Variants in TOPBP1 observed in about 807,000 individuals in gnomAD.
TOPBP1 encodes the protein DNA topoisomerase 2-binding protein 1.
TOPBP1 carries 28 observed loss-of-function variants against 167.7 expected under a neutral mutation model. The ratio of observed to expected loss-of-function variants is 0.17; its 90% CI spans 0.12 to 0.23. The LOEUF (loss-of-function observed/expected upper bound fraction) is 0.23. Among genes scored for constraint, TOPBP1 ranks in the 10% least tolerant of loss-of-function variants. TOPBP1 has a pLI of 1.00. For missense variants in TOPBP1, 1,554 were observed against 1,809.6 expected (o/e 0.86, Z 2.56); for synonymous variants, 598 against 611.4 (o/e 0.98, Z 0.32).
intron 16 of TOPBP1, among the ~76,000 whole-genome samples, chr3:133,626,798 G>A (rs948887281): frequency 6.6e-6 from 1 of 152,116 alleles, no homozygotes; most frequent in Admixed American, 6.6e-5. Context: ...GCATCACAGA[G>A]TGCTATACTG....
intron 20 of TOPBP1, 24 bp downstream of exon 20, chr3:133,620,131 C>G (rs775121708): frequency 6.3e-7 from 1 of 1,576,650 alleles, no homozygotes; most frequent in African/African-American, 1.4e-5. Context: ...TCTAGTCTTT[C>G]TGCCATCAGT....
In TOPBP1 at chr3:133,649,902, C is replaced by T. The variant is rs757793956; in HGVS notation, c.1131G>A (p.Leu377=). The T allele has an allele frequency of 6.2e-7, 1 of 1,607,886 alleles. No individual in the cohort carries two copies. The highest frequency in any genetic ancestry group is 8.5e-7 in the Non-Finnish European group (1 of 1,178,062). Reference sequence around the variant, plus strand: ...CACCTCCACTGTTAATAAGTCTTCTCAGTTTATCTAGCTTTCTGCCACTAA... The same window carrying T: ...CACCTCCACTGTTAATAAGTCTTCTTAGTTTATCTAGCTTTCTGCCACTAA... ...CGFSGRKLDK[L]RRLINSGGGV... is the part of the protein sequence containing the mutation. Residue 377 remains leucine (L), a synonymous_variant, in exon 9 of 28, where the codon CTG becomes CTA. Transcript: ENST00000260810.
Position 133,619,364 on chromosome 3 carries a change from T to C in TOPBP1, c.3371+791A>G, listed in dbSNP as rs79129569. On this transcript the variant is annotated intron_variant, in intron 20 of 27. Transcript: ENST00000260810. The stretch of plus-strand genomic sequence containing the variant: ...AATGAACTGCCTCATGTAATACAGT[T>C]AGCGTAAGATAAATGCTAGTTTATC... Among the ~76,000 whole-genome samples, 7 of 152,280 alleles carry C rather than the reference T, an allele frequency of 4.6e-5. No homozygotes were observed. In the East Asian group the frequency reaches 1.2e-3, roughly 25 times the overall value.
intron 19 of TOPBP1, among the ~76,000 whole-genome samples, chr3:133,621,701 C>T (rs1461308290): frequency 6.6e-6 from 1 of 152,054 alleles, no homozygotes; most frequent in African/African-American, 2.4e-5. Flanking sequence ...TTCTTTAAAG[C>T]CTAAACTCTG....
chr3:133,608,684 G>T lies in TOPBP1; in HGVS notation c.4276C>A (p.His1426Asn). ...QSGGAKVLPG[H>N]SVPLFKEATH... ...GCCTCTTTAAATAAAGGTACAGAAT[G>T]ACCAGGTAGCACCTAATGAAAAAAC... Residue 1426 changes from histidine (H) to asparagine (N), a missense_variant, in exon 27 of 28, where the codon CAT becomes AAT. His to Asn is a moderately conservative substitution (Grantham distance 68). This residue lies in a region of TOPBP1 where 351 missense variants were observed against 432.9 expected (regional missense o/e 0.81). Transcript: ENST00000260810. 1 of 1,613,180 alleles carries T rather than the reference G, an allele frequency of 6.2e-7. No homozygotes were observed. The highest frequency in any genetic ancestry group is 1.1e-5 in the South Asian group (1 of 90,984).
chr3:133,646,145 CA>C (rs762657845), intron 10 of TOPBP1, among the ~76,000 whole-genome samples: 1 of 133,552 alleles, frequency 7.5e-6, no homozygotes. Flanking sequence ...GACTGCATCT[CA>C]AAAAAAAAAC....
At chr3:133,639,714 A>C (rs1935826989) in intron 13 of TOPBP1, among the ~76,000 whole-genome samples, 3 of 152,218 alleles carry the variant, frequency 2.0e-5, no homozygotes, top group South Asian at 4.1e-4. Context: ...AACATGCAGA[A>C]GCCCAAAGAT....
Position 133,653,332 on chromosome 3 carries a change from C to A in TOPBP1, c.922+13G>T. ...GTCTTCAGAATAATTATTTTAATCT[C>A]AATGAGACTCACTATCAATTGTGTT... is the stretch of plus-strand genomic sequence containing the variant. On this transcript the variant is annotated intron_variant, in intron 7 of 27. Coordinates refer to ENST00000260810, the MANE Select transcript of TOPBP1 (RefSeq NM_007027.4). The A allele has an allele frequency of 1.3e-6, 2 of 1,568,754 alleles. No individual in the cohort carries two copies. Among genetic ancestry groups the A allele is most frequent in the Admixed American group, 2.0e-5 (1 of 51,022 alleles).
chr3:133,658,924 G>A, intron 3 of TOPBP1, 92 bp downstream of exon 3: 1 of 1,372,200 alleles, frequency 7.3e-7, no homozygotes, highest in Non-Finnish European at 9.7e-7. Context: ...AAGTTGCATA[G>A]TACTTTATAA....
chr3:133,655,324 A>G lies in TOPBP1; in HGVS notation c.708T>C (p.Asn236=), dbSNP rs1242965318. ...CTTGCACAATGAGGTGTGTACATTC[A>G]TTCATTTTCAATTGTCCCATGTATT... ...GGQYMGQLKM[N]ECTHLIVQEP... The change falls in exon 6 of 28, where the codon AAT becomes AAC. Residue 236 remains asparagine, a synonymous_variant. Transcript: ENST00000260810. 4 of 1,568,166 alleles carry G rather than the reference A, an allele frequency of 2.6e-6. No homozygotes were observed. In the Admixed American group the frequency reaches 7.4e-5, roughly 29 times the overall value.
chr3:133,612,404 A>G lies in TOPBP1; in HGVS notation c.4020T>C (p.Ala1340=), dbSNP rs747723716. The change falls in exon 24 of 28, where the codon GCT becomes GCC. Residue 1340 remains alanine, a synonymous_variant. Coordinates refer to ENST00000260810, the MANE Select transcript of TOPBP1 (RefSeq NM_007027.4). ...GAATACACACCTGCACGAAGTGTCC[A>G]GCAGTCCTGCAGGCTTCAAGGTAGG... ...HRSYLEACRT[A]GHFVQEEDYE... 25 of 1,613,784 alleles carry G rather than the reference A, an allele frequency of 1.5e-5. No individual in the cohort carries two copies. The South Asian group carries it at 2.7e-4, about 18-fold the overall frequency.
Position 133,602,586 on chromosome 3 carries a change from A to G in TOPBP1, c.4426-1193T>C, listed in dbSNP as rs1025930363. On this transcript the variant is annotated intron_variant, in intron 27 of 27. Transcript: ENST00000260810. ...ATTTGGGGCTATAAGATGTAGATGTAAAATATATGACAACTACTGCATAAA... is the reference window on the plus strand; with the variant it reads ...ATTTGGGGCTATAAGATGTAGATGTGAAATATATGACAACTACTGCATAAA... Among the ~76,000 whole-genome samples the G allele has an allele frequency of 2.6e-5, 4 of 152,346 alleles. No individual in the cohort carries two copies. The East Asian group carries it at 7.7e-4, about 29-fold the overall frequency.
intron 27 of TOPBP1, among the ~76,000 whole-genome samples, chr3:133,606,896 A>G (rs78515347): frequency 1.0e-3 from 158 of 152,128 alleles, no homozygotes; most frequent in African/African-American, 3.6e-3. Context: ...AGCTAAAACA[A>G]TAACTTTTTA....
In TOPBP1 at chr3:133,659,003, G is replaced by C; in HGVS notation, c.219+13C>G. On this transcript the variant is annotated intron_variant, in intron 3 of 27. Transcript: ENST00000260810. ...AATAGACTACCAAAGGTACACACTAGAAGTCAGCAAACCTTTTTGAGGTGA... is the reference window on the plus strand; with the variant it reads ...AATAGACTACCAAAGGTACACACTACAAGTCAGCAAACCTTTTTGAGGTGA... 2 of 1,590,054 alleles carry C rather than the reference G, an allele frequency of 1.3e-6. No homozygotes were observed. The highest frequency in any genetic ancestry group is 1.2e-5 in the South Asian group (1 of 85,748).
At position 133,600,601 on chromosome 3, in the gene TOPBP1, A is replaced by C. The variant is rs1308088454; in HGVS notation, c.*649T>G. On this transcript the variant is annotated 3_prime_UTR_variant, in exon 28 of 28. Transcript: ENST00000260810. ...TTGCTTCAACAGAAGAACAGATGCC[A>C]GGGTGCTCTTTTAAAAAATTTATCT... 6.5e-6 allele frequency: 1 copy of C among 152,682 alleles called. No homozygotes were observed. The highest frequency in any genetic ancestry group is 6.5e-5 in the Admixed American group (1 of 15,284). 9.5% of individuals were successfully genotyped at this position (152,682 alleles called of 1,614,324 possible).
chr3:133,634,104 A>C (rs192323439), intron 14 of TOPBP1, among the ~76,000 whole-genome samples: 5 of 152,352 alleles, frequency 3.3e-5, no homozygotes. Context: ...TCAGACCAAA[A>C]ATTTGAAAAG....
chr3:133,628,837 A>G (rs1349057641), intron 14 of TOPBP1, 104 bp from the exon 15 acceptor site: 1 of 1,154,508 alleles, frequency 8.7e-7, no homozygotes. Context: ...GAGAGGGGTA[A>G]AGAGAGAGAA....
At position 133,628,469 on chromosome 3, in the gene TOPBP1, T is replaced by C. The variant is rs1935344525; in HGVS notation, c.2697A>G (p.Glu899=). The C allele has an allele frequency of 1.2e-6, 2 of 1,609,890 alleles. No homozygotes were observed. The highest frequency in any genetic ancestry group is 2.2e-5 in the East Asian group (1 of 44,802). ...PQLKEAQSEK[E]EAPKPLHKVV... ...CTTTGTGAAGTGGCTTTGGGGCTTC[T>C]TCCTGTCCATGGAAAATAAAAGAAA... is the stretch of plus-strand genomic sequence containing the variant. Residue 899 remains glutamate, a splice_region_variant and synonymous_variant, in exon 16 of 28, where the codon GAA becomes GAG. Coordinates refer to ENST00000260810, the MANE Select transcript of TOPBP1 (RefSeq NM_007027.4).
At chr3:133,647,194 T>C (rs939358170) in intron 10 of TOPBP1, among the ~76,000 whole-genome samples, 18 of 152,184 alleles carry the variant, frequency 1.2e-4, no homozygotes, top group African/African-American at 4.3e-4. Flanking sequence ...ACTGGCTTTG[T>C]GTCAAGGGGA....
Sources: allele counts gnomAD v4.1 joint callset (sites outside exome capture counted in the v4.1 genomes callset), GRCh38; gene constraint gnomAD v4.1.1; regional missense constraint gnomAD v4.1.1; transcripts MANE v1.5; gene names NCBI Gene and HGNC (gene_info 2026-07-23, HGNC 2026-07-21).